Variants in EMSY observed in about 807,000 individuals in gnomAD.
EMSY encodes EMSY transcriptional repressor, BRCA2 interacting, also known as BRCA2-interacting transcriptional repressor EMSY.
A neutral mutation model predicts 134.6 loss-of-function variants in EMSY; 26 were observed. That is an observed-to-expected ratio of 0.19 (90% CI 0.14 to 0.27). EMSY has a LOEUF of 0.27. Ranked by LOEUF, EMSY falls within the 10% of genes least tolerant of loss-of-function variation. The pLI is 1.00. For synonymous variants in EMSY, 579 were observed against 577.8 expected (o/e 1.00, Z -0.03); for missense variants, 1,305 against 1,611.4 (o/e 0.81, Z 3.26).
intron 8 of EMSY, among the ~76,000 whole-genome samples, chr11:76,487,722 G>A (rs539219455): frequency 6.6e-6 from 1 of 152,374 alleles, no homozygotes; most frequent in African/African-American, 2.4e-5. Context: ...TCTTCAGGCT[G>A]TGTATAAGGT....
At chr11:76,475,801 T>A (rs112288178) in intron 8 of EMSY, among the ~76,000 whole-genome samples, 124 of 152,332 alleles carry the variant, frequency 8.1e-4, no homozygotes, top group Non-Finnish European at 1.6e-3. Flanking sequence ...AAGAGGGCAT[T>A]CAGTGTCTCC....
In EMSY at chr11:76,516,160, C is replaced by T. The variant is rs758963481; in HGVS notation, c.1532C>T (p.Thr511Ile). The T allele has an allele frequency of 1.9e-6, 3 of 1,613,486 alleles. No homozygotes were observed. The African/African-American group carries it at 4.0e-5, about 22-fold the overall frequency. ...TCTGTAGGCACACAAGCAACCTATA[C>T]CCGGCCAACAGTGAGCCCATCCATT... is the stretch of plus-strand genomic sequence containing the variant. Residue 511 changes from threonine to isoleucine, a missense_variant, in exon 11 of 21, where the codon ACC becomes ATC. Thr to Ile is a moderately conservative substitution (Grantham distance 89). Coordinates refer to ENST00000334736, the Ensembl canonical transcript of EMSY.
chr11:76,480,369 A>T (rs1047998895), intron 8 of EMSY, among the ~76,000 whole-genome samples: 1 of 152,152 alleles, frequency 6.6e-6, no homozygotes, highest in Non-Finnish European at 1.5e-5. Flanking sequence ...ATTACTAGGG[A>T]TATCTTTTCT....
At chr11:76,483,119 T>A (rs1041793027) in intron 8 of EMSY, among the ~76,000 whole-genome samples, 2 of 152,142 alleles carry the variant, frequency 1.3e-5, no homozygotes, top group African/African-American at 4.8e-5. Flanking sequence ...AAGAAAAGAA[T>A]TTTCAACCCA....
intron 11 of EMSY, among the ~76,000 whole-genome samples, chr11:76,521,114 C>T (rs940458707): frequency 1.3e-5 from 2 of 152,128 alleles, no homozygotes; most frequent in Non-Finnish European, 2.9e-5. Context: ...GAAAGCTAGG[C>T]AGAGGAGTTT....
At chr11:76,544,027 T>G (rs902881208) in intron 18 of EMSY, among the ~76,000 whole-genome samples, 8 of 152,244 alleles carry the variant, frequency 5.3e-5, no homozygotes, top group African/African-American at 1.9e-4. Context: ...CTGTAAGTTC[T>G]GGACCCTCTA....
chr11:76,531,931 C>T (rs1951055274), intron 14 of EMSY, among the ~76,000 whole-genome samples: 1 of 152,044 alleles, frequency 6.6e-6, no homozygotes, highest in African/African-American at 2.4e-5. Flanking sequence ...ACCTACTGTC[C>T]TCCACCCCCA....
chr11:76,511,729 CTG>C (rs1379102425), intron 9 of EMSY, among the ~76,000 whole-genome samples: 2 of 151,948 alleles, frequency 1.3e-5, no homozygotes, highest in African/African-American at 2.4e-5. Flanking sequence ...ATAATAATAA[CTG>C]TAATTCACTA....
chr11:76,521,412 A>C (rs1299683985), intron 11 of EMSY, among the ~76,000 whole-genome samples: 1 of 152,202 alleles, frequency 6.6e-6, no homozygotes, highest in Non-Finnish European at 1.5e-5. Context: ...GAATCATAAA[A>C]AGGTACAGTG....
intron 10 of EMSY, among the ~76,000 whole-genome samples, chr11:76,515,075 T>G (rs1403525359): frequency 1.3e-5 from 2 of 151,320 alleles, no homozygotes; most frequent in Admixed American, 6.6e-5. Flanking sequence ...TTTGTGGGTT[T>G]TTTTTTTTTT....
exon 20 of EMSY, chr11:76,545,863 C>T (rs760539598): frequency 1.9e-6 from 3 of 1,614,062 alleles, no homozygotes; most frequent in South Asian, 2.2e-5. Flanking sequence ...GCGCCAGCCT[C>T]CCACAGTTAC....
chr11:76,518,162 A>G (rs1950511961), intron 11 of EMSY, among the ~76,000 whole-genome samples: 1 of 128,818 alleles, frequency 7.8e-6, no homozygotes, highest in Non-Finnish European at 1.7e-5. Flanking sequence ...AAAAAGAAGT[A>G]CTTTCTTTTT....
intron 8 of EMSY, among the ~76,000 whole-genome samples, chr11:76,490,855 G>GT (rs1019049625): frequency 0.022 from 3,324 of 148,630 alleles, 30 homozygotes; most frequent in Non-Finnish European, 0.029. Flanking sequence ...ATTGCTAGGG[G>GT]GTGTGTGTGT....
At chr11:76,513,419 G>T in exon 10 of EMSY, 1 of 1,613,592 alleles carries the variant, frequency 6.2e-7, no homozygotes, top group Non-Finnish European at 8.5e-7. Context: ...GTTCAACCAA[G>T]TAAAATCTTA....
At chr11:76,472,642 A>C in exon 8 of EMSY, 1 of 1,614,192 alleles carries the variant, frequency 6.2e-7, no homozygotes, top group Non-Finnish European at 8.5e-7. Flanking sequence ...TGCAGCAGTC[A>C]CTAAGCTTGT....
intron 6 of EMSY, among the ~76,000 whole-genome samples, chr11:76,463,380 T>G (rs1161164596): frequency 1.3e-5 from 2 of 151,102 alleles, no homozygotes; most frequent in Non-Finnish European, 2.9e-5. Flanking sequence ...TCCCAGCACT[T>G]TGGGAGGCCG....
At chr11:76,466,482 C>CT (rs1948356306) in intron 7 of EMSY, among the ~76,000 whole-genome samples, 1 of 151,702 alleles carries the variant, frequency 6.6e-6, no homozygotes, top group East Asian at 1.9e-4. Flanking sequence ...TGCCTTTTCC[C>CT]TTTTAAAAAA....
At chr11:76,520,241 G>T (rs887471217) in intron 11 of EMSY, among the ~76,000 whole-genome samples, 1 of 150,886 alleles carries the variant, frequency 6.6e-6, no homozygotes, top group Admixed American at 6.6e-5. Context: ...TCTGACATTT[G>T]CCCCCCCACC....
At chr11:76,496,188 C>A (rs1949647532) in intron 8 of EMSY, 27 bp from the exon 10 acceptor site, 1 of 1,580,814 alleles carries the variant, frequency 6.3e-7, no homozygotes, top group South Asian at 1.2e-5. Flanking sequence ...CTATCAAATT[C>A]TCTTTTCCCT....
Sources: allele counts gnomAD v4.1 joint callset (sites outside exome capture counted in the v4.1 genomes callset), GRCh38; gene constraint gnomAD v4.1.1; transcripts MANE v1.5; gene names NCBI Gene and HGNC (gene_info 2026-07-23, HGNC 2026-07-21).